The following ADGRD1 variants were observed in gnomAD, a reference collection of about 807,000 sequenced individuals.
ADGRD1 encodes the protein adhesion G protein-coupled receptor D1, also known as G-protein coupled receptor 133.
In ADGRD1, 77 loss-of-function variants were observed where a neutral mutation model predicts 113.4. That is an observed-to-expected ratio of 0.68 (90% CI 0.57 to 0.82). The LOEUF (loss-of-function observed/expected upper bound fraction) is 0.82, where lower values mean the gene tolerates loss of function less well. Among genes scored for constraint, ADGRD1 ranks in the 40% least tolerant of loss-of-function variants. The pLI, the probability that ADGRD1 is intolerant of heterozygous loss-of-function variation, is 0.00. For synonymous variants in ADGRD1, 474 were observed against 475.0 expected (o/e 1.00, Z 0.03); for missense variants, 1,036 against 1,139.1 (o/e 0.91, Z 1.30).
In ADGRD1 at chr12:130,966,297, T is replaced by C. The variant is rs551554945; in HGVS notation, c.104-166T>C. 3.3e-5 allele frequency among the ~76,000 whole-genome samples: 5 copies of C among 152,352 alleles called. No individual in the cohort carries two copies. In the East Asian group the frequency reaches 9.6e-4, roughly 29 times the overall value. ...AACTTCTAATTTAAGAGTTTCTTTT[T>C]CTAACCAAGAGTGTGTGTTGAATTT... On this transcript the variant is annotated intron_variant, in intron 2 of 24. Transcript: ENST00000261654. This position sits in a 1 kb window ranked among gnomAD's most constrained non-coding sequence, Gnocchi z 4.6.
intron 14 of ADGRD1, among the ~76,000 whole-genome samples, chr12:131,081,251 A>C (rs1349422271): frequency 6.6e-6 from 1 of 152,112 alleles, no homozygotes; most frequent in Non-Finnish European, 1.5e-5. Context: ...TTCTGTTTTT[A>C]ATTGACATGT....
intron 8 of ADGRD1, among the ~76,000 whole-genome samples, chr12:130,992,676 T>C (rs980012724): frequency 1.1e-4 from 17 of 152,192 alleles, no homozygotes; most frequent in Admixed American, 1.3e-4. Context: ...CGCGGGCGTG[T>C]GGTTGGCAAC....
intron 7 of ADGRD1, among the ~76,000 whole-genome samples, chr12:130,991,700 G>A (rs1874408146): frequency 6.6e-6 from 1 of 152,126 alleles, no homozygotes; most frequent in Admixed American, 6.5e-5. Context: ...TTACTATCAT[G>A]GTATAAAAAC....
chr12:131,029,258 G>A (rs779216469), intron 13 of ADGRD1, among the ~76,000 whole-genome samples: 3 of 152,212 alleles, frequency 2.0e-5, no homozygotes, highest in Admixed American at 2.0e-4. Context: ...ATTATAGTCA[G>A]TGCGGATGAA....
At chr12:130,969,061 C>A in intron 3 of ADGRD1, 1 of 1,512,498 alleles carries the variant, frequency 6.6e-7, no homozygotes, top group Non-Finnish European at 8.9e-7. Flanking sequence ...TCAAATCTCT[C>A]TGCAACTGTA....
chr12:131,095,195 G>A (rs1225274098), intron 15 of ADGRD1, among the ~76,000 whole-genome samples: 1 of 152,254 alleles, frequency 6.6e-6, no homozygotes, highest in African/African-American at 2.4e-5. Flanking sequence ...GCACTTCGAG[G>A]TGGAGCAGCA....
At chr12:130,960,747 C>G (rs1480453648) in intron 2 of ADGRD1, among the ~76,000 whole-genome samples, 3 of 151,992 alleles carry the variant, frequency 2.0e-5, no homozygotes, top group African/African-American at 7.2e-5. Context: ...ATTCAAGGAA[C>G]AGAGTCTGAT....
At chr12:130,987,667 A>G in intron 6 of ADGRD1, 1 of 383,372 alleles carries the variant, frequency 2.6e-6, no homozygotes, top group East Asian at 5.7e-5. Flanking sequence ...TTGATCAACA[A>G]ATGTTAGCCG....
rs1191850543 is a variant in ADGRD1 at position 131,136,023 on chromosome 12, C to G, written c.2268-14C>G. The G allele has an allele frequency of 7.4e-6, 12 of 1,613,814 alleles. No homozygotes were observed. In the East Asian group the frequency reaches 2.7e-4, roughly 36 times the overall value. On this transcript the variant is annotated splice_polypyrimidine_tract_variant and intron_variant, in intron 21 of 24. Coordinates refer to ENST00000261654, the MANE Select transcript of ADGRD1 (RefSeq NM_198827.5). ...CTCCTGCCACTCAGGGTGACTGTCA[C>G]TGTTTCTCTCCAGGTTGACAGCCAA... is the stretch of plus-strand genomic sequence containing the variant.
intron 13 of ADGRD1, chr12:131,024,081 G>A (rs535939752): frequency 4.8e-4 from 73 of 152,404 alleles, no homozygotes; most frequent in African/African-American, 1.7e-3. Context: ...GATGTATCTG[G>A]GGTTAGCATC....
In ADGRD1 at chr12:130,998,299, C is replaced by A. The variant is rs528419620; in HGVS notation, c.967-2084C>A. On this transcript the variant is annotated intron_variant, in intron 8 of 24. Coordinates refer to ENST00000261654, the MANE Select transcript of ADGRD1 (RefSeq NM_198827.5). ...GAGGCAGGCTCAGCCTGTGTGCCAT[C>A]CCTGTGGGACCCCTGGTGTAGACCT... 1.2e-4 allele frequency among the ~76,000 whole-genome samples: 18 copies of A among 152,272 alleles called. No homozygotes were observed. In the East Asian group the frequency reaches 3.5e-3, roughly 29 times the overall value.
intron 4 of ADGRD1, chr12:130,973,008 G>A (rs576999775): frequency 1.3e-5 from 2 of 152,274 alleles, no homozygotes; most frequent in African/African-American, 2.4e-5. Context: ...GGCTGTGTTC[G>A]GTTGGACGGG....
intron 8 of ADGRD1, among the ~76,000 whole-genome samples, chr12:130,997,004 G>C (rs1215182121): frequency 2.2e-5 from 3 of 136,184 alleles, no homozygotes; most frequent in Admixed American, 7.0e-5. Context: ...CTGGCCAGGC[G>C]GGGGGCTGAC....
rs1873394266 is a variant in ADGRD1 at position 130,984,555 on chromosome 12, A to G, written c.490+2492A>G. The stretch of plus-strand genomic sequence containing the variant: ...TTCCCATTACCCTCCGCCTCTACAC[A>G]GGCACAGCTTCCCCCACTATGGACA... On this transcript the variant is annotated intron_variant, in intron 5 of 24. Coordinates refer to ENST00000261654, the MANE Select transcript of ADGRD1 (RefSeq NM_198827.5). The surrounding 1 kb of genome is among the most constrained non-coding windows in gnomAD (Gnocchi z 4.1). Among the ~76,000 whole-genome samples, 2 of 152,136 alleles carry G rather than the reference A, an allele frequency of 1.3e-5. No homozygotes were observed. Among genetic ancestry groups the G allele is most frequent in the South Asian group, 4.1e-4 (2 of 4,822 alleles).
chr12:130,970,495 T>C (rs4759531), intron 3 of ADGRD1: 121,633 of 151,892 alleles, frequency 0.8, 52,096 homozygotes, highest in East Asian at 0.95. Context: ...CATGTGACAA[T>C]ATAGCTGGAA....
At chr12:131,123,297 G>A (rs1950651013) in intron 20 of ADGRD1, among the ~76,000 whole-genome samples, 1 of 151,046 alleles carries the variant, frequency 6.6e-6, no homozygotes, top group Admixed American at 6.6e-5. Context: ...CACCCGCCTC[G>A]GCCTCCCAAA....
intron 2 of ADGRD1, among the ~76,000 whole-genome samples, chr12:130,963,275 G>C (rs549901297): frequency 5.3e-5 from 7 of 133,268 alleles, no homozygotes; most frequent in Admixed American, 8.8e-5. Context: ...AGCCGAGATC[G>C]CGCCACTGCA....
Position 131,000,439 on chromosome 12 carries a change from A to C in ADGRD1, c.1023A>C (p.Ser341=), listed in dbSNP as rs1426612657. The C allele has an allele frequency of 6.2e-7, 1 of 1,611,510 alleles. No individual in the cohort carries two copies. ...ILLLPGWIAL[S]EDSAVVLSLI... Reference sequence around the variant, plus strand: ...TACTGCCTGGTTGGATTGCTCTGTCAGAGGTAAGAGAAAAGAACATGGTCG... The same window carrying C: ...TACTGCCTGGTTGGATTGCTCTGTCCGAGGTAAGAGAAAAGAACATGGTCG... The change falls in exon 9 of 25, where the codon TCA becomes TCC. Residue 341 remains serine (S), a synonymous_variant. Transcript: ENST00000261654.
At chr12:131,017,095 C>G (rs139369035) in intron 13 of ADGRD1, among the ~76,000 whole-genome samples, 1 of 151,780 alleles carries the variant, frequency 6.6e-6, no homozygotes, top group Non-Finnish European at 1.5e-5. Flanking sequence ...GGGGAGGGCA[C>G]GGGCAGAGAG....
Sources: gnomAD v4.1 joint callset for allele counts (sites outside exome capture counted in the v4.1 genomes callset) on GRCh38, gnomAD v4.1.1 for gene constraint, Gnocchi (gnomAD v3.1) non-coding constraint, MANE v1.5 for transcripts, NCBI Gene and HGNC (gene_info 2026-07-23, HGNC 2026-07-21) for gene names.